Variants in TRAPPC9 observed in about 807,000 individuals in gnomAD.
TRAPPC9 encodes IKK2 binding protein.
In TRAPPC9, 83 loss-of-function variants were observed where a neutral mutation model predicts 124.0. That is an observed-to-expected ratio of 0.67 (90% CI 0.56 to 0.80). TRAPPC9 has a LOEUF of 0.80. Ranked by LOEUF, TRAPPC9 falls within the 30% of genes least tolerant of loss-of-function variation. The probability of loss-of-function intolerance (pLI) is 0.00; values close to 1 mark genes in which losing one functional copy is unlikely to be tolerated. For missense variants in TRAPPC9, 1,302 were observed against 1,508.3 expected (o/e 0.86, Z 2.27); for synonymous variants, 638 against 617.5 (o/e 1.03, Z -0.49).
rs1179419162 is a variant in TRAPPC9, at chr8:140,391,274, G to A, written c.1134+6346C>T. Among the ~76,000 whole-genome samples the A allele has an allele frequency of 7.9e-5, 12 of 152,282 alleles. No individual in the cohort carries two copies. In the East Asian group the frequency reaches 2.3e-3, roughly 29 times the overall value. ...ATCATTCCTGAATATTTGGTTTGTGGGAGGCAAAGGGTGTTGGATTCAATG... is the reference window on the plus strand; with the variant it reads ...ATCATTCCTGAATATTTGGTTTGTGAGAGGCAAAGGGTGTTGGATTCAATG... On this transcript the variant is annotated intron_variant, in intron 7 of 22. Coordinates refer to ENST00000438773, the MANE Select transcript of TRAPPC9 (RefSeq NM_001160372.4).
intron 17 of TRAPPC9, among the ~76,000 whole-genome samples, chr8:140,046,683 T>C (rs914434912): frequency 6.6e-6 from 1 of 152,210 alleles, no homozygotes; most frequent in East Asian, 1.9e-4. Context: ...TTCTAAATAA[T>C]ACAGCATGAA....
At chr8:140,397,550 T>A (rs2069132247) in intron 7 of TRAPPC9, 70 bp downstream of exon 7, 1 of 1,587,284 alleles carries the variant, frequency 6.3e-7, no homozygotes, top group African/African-American at 1.3e-5. Flanking sequence ...CGAAATAAGC[T>A]GAATTCATAG....
At chr8:140,230,731 G>A (rs1468309552) in intron 16 of TRAPPC9, among the ~76,000 whole-genome samples, 7 of 151,962 alleles carry the variant, frequency 4.6e-5, no homozygotes, top group Non-Finnish European at 7.4e-5. Flanking sequence ...CTGAGATCGC[G>A]CCACTGTGCA....
chr8:140,263,131 T>C (rs1384086468), intron 15 of TRAPPC9, among the ~76,000 whole-genome samples: 1 of 152,176 alleles, frequency 6.6e-6, no homozygotes, highest in Admixed American at 6.5e-5. Context: ...TACGGGCTGC[T>C]GAGGAGTCCA....
rs986454872 is a variant in TRAPPC9 at position 140,265,200 on chromosome 8, G to A, written c.2278+10458C>T. On this transcript the variant is annotated intron_variant, in intron 15 of 22. Coordinates refer to ENST00000438773, the MANE Select transcript of TRAPPC9 (RefSeq NM_001160372.4). ...AGATTCGACGCTGCCACCCCAGGCCGCGCCCAGGCCAGTAACTGAAGAATG... is the reference window on the plus strand; with the variant it reads ...AGATTCGACGCTGCCACCCCAGGCCACGCCCAGGCCAGTAACTGAAGAATG... Among the ~76,000 whole-genome samples, 4 of 152,114 alleles carry A rather than the reference G, an allele frequency of 2.6e-5. No homozygotes were observed. In the South Asian group the frequency reaches 6.2e-4, roughly 24 times the overall value.
intron 17 of TRAPPC9, among the ~76,000 whole-genome samples, chr8:140,030,233 T>C (rs1332165354): frequency 6.6e-6 from 1 of 152,214 alleles, no homozygotes; most frequent in Admixed American, 6.5e-5. Context: ...CAGATTAAGA[T>C]GTAGCTGTAA....
In TRAPPC9 at chr8:140,256,146, C is replaced by T. The variant is rs552726827; in HGVS notation, c.2279-3217G>A. 2.6e-5 allele frequency among the ~76,000 whole-genome samples: 4 copies of T among 152,334 alleles called. No individual in the cohort carries two copies. In the South Asian group the frequency reaches 8.3e-4, roughly 32 times the overall value. On this transcript the variant is annotated intron_variant, in intron 15 of 22. Transcript: ENST00000438773. The stretch of plus-strand genomic sequence containing the variant: ...TCGCTTTGGTATTTCATGATGACAA[C>T]AGGCTACTGAATTCTCTGTCTGGAA...
chr8:139,925,526 T>C (rs1051061122), intron 19 of TRAPPC9, among the ~76,000 whole-genome samples: 11 of 152,088 alleles, frequency 7.2e-5, no homozygotes, highest in African/African-American at 2.2e-4. Flanking sequence ...GGCGGGCAGA[T>C]TGCTTGAGGC....
chr8:139,960,926 T>TA (rs1216410055), intron 19 of TRAPPC9, among the ~76,000 whole-genome samples: 1 of 125,300 alleles, frequency 8.0e-6, no homozygotes, highest in East Asian at 2.2e-4. Flanking sequence ...GCTTAACCCC[T>TA]AACGTTTTAG....
intron 2 of TRAPPC9, among the ~76,000 whole-genome samples, chr8:140,446,382 G>T (rs2071260356): frequency 6.6e-6 from 1 of 151,516 alleles, no homozygotes; most frequent in African/African-American, 2.4e-5. Context: ...AGCTAAGGTT[G>T]AACTGCCTCT....
intron 18 of TRAPPC9, among the ~76,000 whole-genome samples, chr8:139,997,235 C>CATCCTTCAT (rs1440980387): frequency 6.6e-6 from 1 of 152,030 alleles, no homozygotes; most frequent in Non-Finnish European, 1.5e-5. Flanking sequence ...GGAGACAGTG[C>CATCCTTCAT]ATCCTTCATA....
intron 13 of TRAPPC9, among the ~76,000 whole-genome samples, chr8:140,285,702 C>G (rs2065462278): frequency 6.6e-6 from 1 of 152,032 alleles, no homozygotes; most frequent in South Asian, 2.1e-4. Context: ...CTTTCTGCCC[C>G]CTGTGGACTC....
intron 11 of TRAPPC9, among the ~76,000 whole-genome samples, chr8:140,292,903 G>C (rs1336047040): frequency 1.4e-5 from 2 of 140,440 alleles, no homozygotes; most frequent in Non-Finnish European, 3.1e-5. Context: ...CACAGCAAAA[G>C]AAACTACCAT....
chr8:140,229,783 C>T (rs1440959724), intron 16 of TRAPPC9, among the ~76,000 whole-genome samples: 1 of 151,808 alleles, frequency 6.6e-6, no homozygotes, highest in African/African-American at 2.4e-5. Context: ...GTCTCAAACT[C>T]CTGGCCTCAA....
intron 21 of TRAPPC9, among the ~76,000 whole-genome samples, chr8:139,790,462 G>A (rs1309393520): frequency 3.3e-5 from 5 of 152,208 alleles, no homozygotes; most frequent in African/African-American, 1.2e-4. Flanking sequence ...TGCTCACAGG[G>A]GAAGGCAGGC....
At chr8:139,988,985 A>T in intron 18 of TRAPPC9, 149 bp from the exon 19 acceptor site, 2 of 691,396 alleles carry the variant, frequency 2.9e-6, no homozygotes, top group Non-Finnish European at 5.2e-6. Flanking sequence ...AGGATTACGG[A>T]GACTGGTTCT....
chr8:139,766,570 C>A (rs554946414), intron 21 of TRAPPC9, among the ~76,000 whole-genome samples: 2 of 152,324 alleles, frequency 1.3e-5, no homozygotes, highest in South Asian at 4.1e-4. Context: ...GGAATCAGAC[C>A]TGTGTTCAGA....
chr8:140,335,638 G>A (rs1327901209), intron 9 of TRAPPC9, among the ~76,000 whole-genome samples: 1 of 151,464 alleles, frequency 6.6e-6, no homozygotes, highest in Non-Finnish European at 1.5e-5. Flanking sequence ...GAAATCATGA[G>A]CAAATTTTTG....
At chr8:140,307,798 C>T (rs899193253) in intron 10 of TRAPPC9, among the ~76,000 whole-genome samples, 2 of 152,184 alleles carry the variant, frequency 1.3e-5, no homozygotes, top group Admixed American at 6.5e-5. Context: ...CTAGACCTGC[C>T]CTGTCTCCCT....
Sources: gnomAD v4.1 joint callset for allele counts (sites outside exome capture counted in the v4.1 genomes callset) on GRCh38, gnomAD v4.1.1 for gene constraint, MANE v1.5 for transcripts, NCBI Gene and HGNC (gene_info 2026-07-23, HGNC 2026-07-21) for gene names.